HDHD2: variants seen among roughly 807,000 people sequenced by gnomAD.
HDHD2 encodes the protein haloacid dehalogenase-like hydrolase domain-containing protein 2.
HDHD2 carries 26 observed loss-of-function variants against 24.8 expected under a neutral mutation model. The ratio of observed to expected loss-of-function variants is 1.05; its 90% CI spans 0.77 to 1.45. The LOEUF is 1.45. HDHD2 is among the 40% of genes most tolerant of loss of function. HDHD2 has a pLI of 0.00. For synonymous variants in HDHD2, 128 were observed against 114.9 expected (o/e 1.11, Z -0.73); for missense variants, 299 against 313.4 (o/e 0.95, Z 0.35).
At chr18:47,145,994 A>G (rs2063865701) in intron 1 of HDHD2, among the ~76,000 whole-genome samples, 1 of 152,116 alleles carries the variant, frequency 6.6e-6, no homozygotes, top group Admixed American at 6.6e-5. Context: ...CAGTTTGGGA[A>G]GCCAAGGCGG....
chr18:47,115,354 G>C lies in HDHD2; in HGVS notation c.396-6C>G, dbSNP rs1371911084. The C allele has an allele frequency of 6.2e-7, 1 of 1,605,238 alleles. No homozygotes were observed. Among genetic ancestry groups the C allele is most frequent in the Admixed American group, 1.7e-5 (1 of 58,870 alleles). ...GTGCTCCATCCAGGAGTAACCTAGA[G>C]AGAACAACAACAAAAAAAACAAATT... On this transcript the variant is annotated splice_polypyrimidine_tract_variant and splice_region_variant and intron_variant, in intron 4 of 6. Transcript: ENST00000300605.
At chr18:47,123,779 T>C (rs2063629983) in intron 4 of HDHD2, among the ~76,000 whole-genome samples, 1 of 152,216 alleles carries the variant, frequency 6.6e-6, no homozygotes, top group Non-Finnish European at 1.5e-5. Context: ...GAAGATATAT[T>C]ATTGTACAGA....
At chr18:47,135,816 G>A (rs1238825197) in intron 2 of HDHD2, among the ~76,000 whole-genome samples, 2 of 152,050 alleles carry the variant, frequency 1.3e-5, no homozygotes, top group Non-Finnish European at 2.9e-5. Flanking sequence ...CTTCTGTTTA[G>A]TATTGTGGTT....
chr18:47,111,160 T>C, intron 6 of HDHD2: 1 of 985,120 alleles, frequency 1.0e-6, no homozygotes, highest in South Asian at 4.7e-5. Flanking sequence ...ACTTAGTTGA[T>C]TTACTAATTA....
intron 1 of HDHD2, 62 bp from the exon 2 acceptor site, chr18:47,136,511 G>GT: frequency 5.1e-6 from 7 of 1,368,514 alleles, no homozygotes; most frequent in Non-Finnish European, 7.1e-6. Flanking sequence ...TTAAAAACTG[G>GT]TAAGTATTCA....
At chr18:47,143,165 T>C (rs562552925) in intron 1 of HDHD2, among the ~76,000 whole-genome samples, 12 of 152,276 alleles carry the variant, frequency 7.9e-5, no homozygotes, top group African/African-American at 1.7e-4. Flanking sequence ...TAAAAGAAGA[T>C]TGTTGGCCAG....
intron 6 of HDHD2, chr18:47,111,680 T>C (rs2063517464): frequency 8.1e-6 from 8 of 985,308 alleles, no homozygotes; most frequent in African/African-American, 1.7e-5. Flanking sequence ...AAGGCTCCAA[T>C]GGTTCACTTC....
At chr18:47,110,179 C>T (rs904409795) in intron 6 of HDHD2, 2 of 985,304 alleles carry the variant, frequency 2.0e-6, no homozygotes, top group African/African-American at 3.5e-5. Context: ...CTTTGCCAGA[C>T]AAACACAAAG....
intron 3 of HDHD2, among the ~76,000 whole-genome samples, chr18:47,131,039 C>T (rs781264458): frequency 1.3e-5 from 2 of 152,108 alleles, no homozygotes; most frequent in African/African-American, 2.4e-5. Context: ...TGTAATGGTG[C>T]GATCTCAGCT....
chr18:47,122,039 A>G (rs1460473175), intron 4 of HDHD2, among the ~76,000 whole-genome samples: 1 of 151,780 alleles, frequency 6.6e-6, no homozygotes, highest in Non-Finnish European at 1.5e-5. Context: ...TCCTTATCCT[A>G]TTGTGTTTGG....
chr18:47,128,756 C>T (rs943854905), intron 4 of HDHD2, among the ~76,000 whole-genome samples: 1 of 152,202 alleles, frequency 6.6e-6, no homozygotes, highest in African/African-American at 2.4e-5. Context: ...AATTAATGTG[C>T]ACACACGGTA....
intron 1 of HDHD2, among the ~76,000 whole-genome samples, chr18:47,141,419 T>C (rs1230209043): frequency 6.6e-6 from 1 of 152,234 alleles, no homozygotes; most frequent in Non-Finnish European, 1.5e-5. Context: ...CCACATTCAG[T>C]ATTTTTCCCT....
intron 3 of HDHD2, 127 bp from the exon 4 acceptor site, chr18:47,130,455 A>G: frequency 3.2e-6 from 2 of 624,418 alleles, no homozygotes; most frequent in South Asian, 4.0e-5. Context: ...TTAATAGATT[A>G]TCCTGCCCAG....
chr18:47,121,306 C>T (rs1013692677), intron 4 of HDHD2, among the ~76,000 whole-genome samples: 6 of 152,162 alleles, frequency 3.9e-5, no homozygotes, highest in African/African-American at 1.4e-4. Context: ...TCTCACCCCA[C>T]TCCCCAAAAG....
intron 1 of HDHD2, among the ~76,000 whole-genome samples, chr18:47,146,545 C>T (rs1160513521): frequency 1.3e-5 from 2 of 152,098 alleles, no homozygotes; most frequent in Non-Finnish European, 2.9e-5. Context: ...TGAACAAAGA[C>T]GTCTATAGCA....
rs529841191 is a variant in HDHD2, at chr18:47,125,559, A to G, written c.395+4685T>C. On this transcript the variant is annotated intron_variant, in intron 4 of 6. Coordinates refer to ENST00000300605, the MANE Select transcript of HDHD2 (RefSeq NM_032124.5). ...ATAATACACTACTACTATACAAAAC[A>G]ACAACAAAAACAAAGAAGCAAAATA... is the stretch of plus-strand genomic sequence containing the variant. Among the ~76,000 whole-genome samples the G allele has an allele frequency of 3.3e-5, 5 of 152,362 alleles. No homozygotes were observed. The East Asian group carries it at 9.6e-4, about 29-fold the overall frequency.
At chr18:47,149,943 C>T (rs1425279192) in intron 1 of HDHD2, 2 of 152,586 alleles carry the variant, frequency 1.3e-5, no homozygotes, top group Non-Finnish European at 2.9e-5. Context: ...CAACAACAAA[C>T]TCTTTCAGCA....
At chr18:47,110,735 T>C (rs2576060) in intron 6 of HDHD2, 441,001 of 984,566 alleles carry the variant, frequency 0.45, 99,147 homozygotes, top group Middle Eastern at 0.49. Flanking sequence ...CTTTCATGGA[T>C]GGATAAATGA....
intron 2 of HDHD2, 127 bp from the exon 3 acceptor site, chr18:47,134,831 C>T (rs1355181280): frequency 7.1e-6 from 5 of 700,622 alleles, no homozygotes; most frequent in Admixed American, 2.8e-5. Flanking sequence ...TAGCCTCTTG[C>T]CCCTCCAGAA....
Sources: gnomAD v4.1 joint callset for allele counts (sites outside exome capture counted in the v4.1 genomes callset) on GRCh38, gnomAD v4.1.1 for gene constraint, MANE v1.5 for transcripts, NCBI Gene and HGNC (gene_info 2026-07-23, HGNC 2026-07-21) for gene names.